CCNY: variants seen among roughly 807,000 people sequenced by gnomAD.
The protein encoded by CCNY is cyclin-Y.
A neutral mutation model predicts 42.8 loss-of-function variants in CCNY; 19 were observed. The observed-to-expected ratio is 0.44, with a 90% confidence interval of 0.31 to 0.65. The LOEUF (loss-of-function observed/expected upper bound fraction) is 0.65. Ranked by LOEUF, CCNY falls within the 30% of genes least tolerant of loss-of-function variation. CCNY has a pLI of 0.07. For missense variants in CCNY, 370 were observed against 437.3 expected (o/e 0.85, Z 1.37); for synonymous variants, 165 against 162.7 (o/e 1.01, Z -0.11).
At chr10:35,531,685 C>T (rs1386879304) in intron 7 of CCNY, among the ~76,000 whole-genome samples, 1 of 152,048 alleles carries the variant, frequency 6.6e-6, no homozygotes, top group East Asian at 1.9e-4. Flanking sequence ...GAATACATGC[C>T]ATGAGGAAGG....
intron 3 of CCNY, among the ~76,000 whole-genome samples, chr10:35,269,169 C>G (rs2095728601): frequency 6.6e-6 from 1 of 152,144 alleles, no homozygotes; most frequent in African/African-American, 2.4e-5. Flanking sequence ...TAGATTTTCT[C>G]TTTAACTGAT....
At chr10:35,272,606 T>C (rs1835184521) in intron 3 of CCNY, among the ~76,000 whole-genome samples, 1 of 152,244 alleles carries the variant, frequency 6.6e-6, no homozygotes, top group Non-Finnish European at 1.5e-5. Context: ...GATGTTGTTC[T>C]TTTTTATGGC....
At chr10:35,277,097 T>C (rs537000511) in intron 3 of CCNY, among the ~76,000 whole-genome samples, 3 of 152,294 alleles carry the variant, frequency 2.0e-5, no homozygotes, top group East Asian at 3.9e-4. Flanking sequence ...GCTCCTTTGG[T>C]GTGTGCTCTC....
intron 3 of CCNY, among the ~76,000 whole-genome samples, chr10:35,323,953 G>A (rs1835850972): frequency 6.6e-6 from 1 of 151,670 alleles, no homozygotes; most frequent in African/African-American, 2.4e-5. Context: ...CTAGGAGGCA[G>A]AGGTTGCAAT....
At chr10:35,297,746 AC>A (rs1313618797) in intron 3 of CCNY, among the ~76,000 whole-genome samples, 1 of 152,186 alleles carries the variant, frequency 6.6e-6, no homozygotes, top group Non-Finnish European at 1.5e-5. Flanking sequence ...CACAATTGCC[AC>A]AAAAAGAAAA....
chr10:35,504,528 T>C (rs1323746955), intron 3 of CCNY, among the ~76,000 whole-genome samples: 1 of 152,248 alleles, frequency 6.6e-6, no homozygotes, highest in Non-Finnish European at 1.5e-5. Context: ...TTTGGATGTT[T>C]TGACAGCAGG....
chr10:35,544,544 T>C (rs1185360462), intron 7 of CCNY, among the ~76,000 whole-genome samples: 1 of 152,196 alleles, frequency 6.6e-6, no homozygotes, highest in East Asian at 1.9e-4. Context: ...GTACCCATTG[T>C]TAAATGACGT....
chr10:35,406,098 C>CT (rs1564398770), intron 1 of CCNY, among the ~76,000 whole-genome samples: 1 of 151,780 alleles, frequency 6.6e-6, no homozygotes, highest in Non-Finnish European at 1.5e-5. Context: ...TGCCATTACT[C>CT]TATTACTGTA....
chr10:35,425,275 C>T (rs1838242310), intron 1 of CCNY, among the ~76,000 whole-genome samples: 1 of 152,144 alleles, frequency 6.6e-6, no homozygotes, highest in African/African-American at 2.4e-5. Flanking sequence ...GATCAGGAGC[C>T]TTGGATAGGC....
chr10:35,551,233 A>G (rs1232759488), intron 7 of CCNY, among the ~76,000 whole-genome samples: 1 of 152,200 alleles, frequency 6.6e-6, no homozygotes, highest in African/African-American at 2.4e-5. Context: ...AACTTCCTAA[A>G]GTTCAGCCGC....
intron 1 of CCNY, among the ~76,000 whole-genome samples, chr10:35,470,120 AAGAT>A (rs1358835218): frequency 5.5e-4 from 78 of 142,120 alleles, no homozygotes; most frequent in African/African-American, 2.0e-3. Context: ...TGGAGAGAGA[AAGAT>A]AGGGCGATGG....
intron 3 of CCNY, among the ~76,000 whole-genome samples, chr10:35,259,158 A>G (rs561701148): frequency 6.6e-6 from 1 of 152,290 alleles, no homozygotes; most frequent in South Asian, 2.1e-4. Flanking sequence ...CTAGATAGGG[A>G]GACCGATTCT....
At chr10:35,494,892 G>T (rs1292911729) in intron 2 of CCNY, among the ~76,000 whole-genome samples, 1 of 152,194 alleles carries the variant, frequency 6.6e-6, no homozygotes, top group Non-Finnish European at 1.5e-5. Context: ...AATAGTGATT[G>T]TCTCTGGATT....
chr10:35,300,951 G>A (rs1835525846), intron 3 of CCNY, among the ~76,000 whole-genome samples: 1 of 151,920 alleles, frequency 6.6e-6, no homozygotes, highest in Non-Finnish European at 1.5e-5. Flanking sequence ...ATTACAGGCG[G>A]CCACCACCAT....
intron 1 of CCNY, among the ~76,000 whole-genome samples, chr10:35,378,764 A>G (rs752879141): frequency 1.3e-5 from 2 of 152,128 alleles, no homozygotes; most frequent in Non-Finnish European, 2.9e-5. Context: ...CAGAGGGTGT[A>G]CTGTTACACT....
chr10:35,399,002 C>T (rs1338583560), intron 1 of CCNY, among the ~76,000 whole-genome samples: 1 of 152,154 alleles, frequency 6.6e-6, no homozygotes, highest in East Asian at 1.9e-4. Context: ...TATGTCAGTC[C>T]CTTATAGCGT....
chr10:35,558,858 T>C (rs1841410616), intron 8 of CCNY, among the ~76,000 whole-genome samples: 1 of 152,234 alleles, frequency 6.6e-6, no homozygotes, highest in South Asian at 2.1e-4. Flanking sequence ...TGTGGGACTT[T>C]GTTACCTGTG....
chr10:35,315,661 T>C (rs1268261240), intron 3 of CCNY, among the ~76,000 whole-genome samples: 1 of 152,232 alleles, frequency 6.6e-6, no homozygotes, highest in African/African-American at 2.4e-5. Context: ...ATGATAGTTC[T>C]AAGTTCTTTG....
At chr10:35,442,939 C>G (rs1025870017) in intron 1 of CCNY, among the ~76,000 whole-genome samples, 6 of 152,194 alleles carry the variant, frequency 3.9e-5, no homozygotes, top group African/African-American at 1.4e-4. Context: ...GCCTGTTGCT[C>G]CTAGGCTACA....
Sources: allele counts gnomAD v4.1 joint callset (sites outside exome capture counted in the v4.1 genomes callset), GRCh38; gene constraint gnomAD v4.1.1; transcripts MANE v1.5; gene names NCBI Gene and HGNC (gene_info 2026-07-23, HGNC 2026-07-21).